Variants in GLIS1 observed in about 807,000 individuals in gnomAD.
The protein encoded by GLIS1 is zinc finger protein GLIS1.
Under a neutral mutation model 63.8 loss-of-function variants are expected in GLIS1, and 24 were observed. The ratio of observed to expected loss-of-function variants is 0.38; its 90% CI spans 0.27 to 0.53. The LOEUF (loss-of-function observed/expected upper bound fraction) is 0.53. Among genes scored for constraint, GLIS1 ranks in the 20% least tolerant of loss-of-function variants. GLIS1 has a pLI of 0.85. For synonymous variants in GLIS1, 450 were observed against 482.5 expected (o/e 0.93, Z 0.88); for missense variants, 1,036 against 1,074.1 (o/e 0.96, Z 0.50).
chr1:53,638,558 C>T (rs906906226), intron 2 of GLIS1, among the ~76,000 whole-genome samples: 3 of 152,216 alleles, frequency 2.0e-5, no homozygotes, highest in Admixed American at 6.5e-5. Context: ...CCCACTGCCA[C>T]CCAATCCCAA....
intron 2 of GLIS1, among the ~76,000 whole-genome samples, chr1:53,649,171 A>G (rs1364340316): frequency 1.3e-5 from 2 of 152,244 alleles, no homozygotes; most frequent in African/African-American, 2.4e-5. Context: ...ATACTAGTCT[A>G]TTTTATCACT....
intron 2 of GLIS1, among the ~76,000 whole-genome samples, chr1:53,627,301 T>C (rs1028009044): frequency 2.0e-5 from 3 of 152,166 alleles, no homozygotes; most frequent in African/African-American, 7.2e-5. Context: ...TTTCAGTAAT[T>C]ATCCCCCTCT....
chr1:53,636,706 T>C (rs569588694), intron 2 of GLIS1, among the ~76,000 whole-genome samples: 8 of 152,344 alleles, frequency 5.3e-5, no homozygotes, highest in Admixed American at 3.3e-4. Flanking sequence ...CAGCTCACCC[T>C]GAGCATCACC....
chr1:53,685,406 C>T (rs897215254), intron 2 of GLIS1, among the ~76,000 whole-genome samples: 3 of 152,240 alleles, frequency 2.0e-5, no homozygotes, highest in Non-Finnish European at 2.9e-5. Context: ...CCCCCGTCAG[C>T]GCTGCCGGCC....
intron 2 of GLIS1, among the ~76,000 whole-genome samples, chr1:53,604,498 C>T (rs1645349888): frequency 6.6e-6 from 1 of 152,238 alleles, no homozygotes; most frequent in Admixed American, 6.5e-5. Context: ...ATGCATTCAG[C>T]ATCTAAGACC....
At chr1:53,545,691 A>G (rs923212562) in intron 4 of GLIS1, among the ~76,000 whole-genome samples, 10 of 152,164 alleles carry the variant, frequency 6.6e-5, no homozygotes, top group African/African-American at 2.2e-4. Context: ...ACTTCTTTAC[A>G]TATTATACTT....
chr1:53,537,504 C>A (rs1036163254), intron 4 of GLIS1, among the ~76,000 whole-genome samples: 1 of 152,234 alleles, frequency 6.6e-6, no homozygotes, highest in South Asian at 2.1e-4. Context: ...TGGGGATCCA[C>A]CACCGGGAGC....
At chr1:53,575,587 G>T (rs1645025236) in intron 4 of GLIS1, among the ~76,000 whole-genome samples, 1 of 152,192 alleles carries the variant, frequency 6.6e-6, no homozygotes, top group Admixed American at 6.5e-5. Flanking sequence ...CCCGTGGTTG[G>T]TTGTGTGACT....
chr1:53,534,474 T>G (rs565810259), intron 4 of GLIS1, among the ~76,000 whole-genome samples: 2 of 151,856 alleles, frequency 1.3e-5, no homozygotes, highest in South Asian at 4.2e-4. Flanking sequence ...GGACCCCCAC[T>G]GCAAGGGCTG....
At chr1:53,509,393 G>T (rs2100248485) in intron 9 of GLIS1, 106 bp from the exon 10 acceptor site, 5 of 1,216,966 alleles carry the variant, frequency 4.1e-6, no homozygotes, top group Non-Finnish European at 5.7e-6. Flanking sequence ...TCCTGTCCAG[G>T]CATTGTGGGT....
chr1:53,582,929 C>CG (rs1260204721), intron 4 of GLIS1, among the ~76,000 whole-genome samples: 15 of 152,322 alleles, frequency 9.8e-5, no homozygotes, highest in Non-Finnish European at 1.8e-4. Context: ...GGGGATCTTA[C>CG]GGAAGTATCT....
intron 2 of GLIS1, among the ~76,000 whole-genome samples, chr1:53,652,867 AT>A: frequency 6.6e-6 from 1 of 152,326 alleles, no homozygotes; most frequent in East Asian, 1.9e-4. Flanking sequence ...CACCCTGGCC[AT>A]GTGGTCCTGG....
At chr1:53,579,260 T>C (rs1645061945) in intron 4 of GLIS1, among the ~76,000 whole-genome samples, 1 of 152,158 alleles carries the variant, frequency 6.6e-6, no homozygotes. Context: ...GACTGGACAC[T>C]CCTATTGCCC....
In GLIS1 at chr1:53,737,819, G is replaced by A; in HGVS notation, c.246C>T (p.Ala82=). ...SPRDYGPSKA[A]AAGKVNGSYG... The stretch of plus-strand genomic sequence containing the variant: ...GGCCGAACTCACCCTTCCCGGCGGC[G>A]GCGGCCTTGGATGGACCGTAGTCTC... Residue 82 remains alanine (A), a synonymous_variant, in exon 2 of 11, where the codon GCC becomes GCT. Coordinates refer to ENST00000628545, the MANE Select transcript of GLIS1 (RefSeq NM_001367484.1). The A allele has an allele frequency of 8.1e-7, 1 of 1,231,070 alleles. No individual in the cohort carries two copies. The highest frequency in any genetic ancestry group is 1.0e-6 in the Non-Finnish European group (1 of 987,458). 76.3% of individuals were successfully genotyped at this position (1,231,070 alleles called of 1,614,324 possible).
intron 4 of GLIS1, among the ~76,000 whole-genome samples, chr1:53,585,165 G>A (rs968754401): frequency 2.0e-5 from 3 of 152,066 alleles, no homozygotes; most frequent in African/African-American, 7.3e-5. Context: ...CAAATTTGGT[G>A]CTCCTGGGAA....
intron 2 of GLIS1, among the ~76,000 whole-genome samples, chr1:53,676,313 G>C (rs536145333): frequency 6.6e-6 from 1 of 152,142 alleles, no homozygotes; most frequent in South Asian, 2.1e-4. Context: ...AGCTCTGAGC[G>C]CAATCGGCCC....
At chr1:53,702,918 G>A (rs531336611) in intron 2 of GLIS1, among the ~76,000 whole-genome samples, 2 of 152,188 alleles carry the variant, frequency 1.3e-5, no homozygotes, top group Non-Finnish European at 1.5e-5. Flanking sequence ...TCATGAGGGG[G>A]TTCTCCTGTC....
chr1:53,572,333 C>T (rs1347556833), intron 4 of GLIS1, among the ~76,000 whole-genome samples: 1 of 152,192 alleles, frequency 6.6e-6, no homozygotes, highest in African/African-American at 2.4e-5. Flanking sequence ...CCTATTGCAG[C>T]ACAGTATCTG....
At chr1:53,720,901 G>T (rs1646747355) in intron 2 of GLIS1, among the ~76,000 whole-genome samples, 1 of 152,122 alleles carries the variant, frequency 6.6e-6, no homozygotes, top group African/African-American at 2.4e-5. Context: ...TAGAGGCTGA[G>T]GTGGGAGGAT....
Sources: allele counts gnomAD v4.1 joint callset (sites outside exome capture counted in the v4.1 genomes callset), GRCh38; gene constraint gnomAD v4.1.1; transcripts MANE v1.5; gene names NCBI Gene and HGNC (gene_info 2026-07-23, HGNC 2026-07-21).